CCDC170: variants seen among roughly 807,000 people sequenced by gnomAD.
The protein encoded by CCDC170 is coiled-coil domain-containing protein 170.
In CCDC170, 69 loss-of-function variants were observed where a neutral mutation model predicts 72.6. That is an observed-to-expected ratio of 0.95 (90% CI 0.78 to 1.16). The LOEUF (loss-of-function observed/expected upper bound fraction) is 1.16, where lower values mean the gene tolerates loss of function less well. CCDC170 is among the 50% of genes most tolerant of loss of function. The pLI is 0.00. For missense variants in CCDC170, 852 were observed against 832.5 expected (o/e 1.02, Z -0.29); for synonymous variants, 300 against 303.9 (o/e 0.99, Z 0.13).
At chr6:151,540,372 G>GTTTTTTT (rs1782668488) in intron 3 of CCDC170, among the ~76,000 whole-genome samples, 6 of 36,922 alleles carry the variant, frequency 1.6e-4, no homozygotes, top group Admixed American at 1.1e-3. Context: ...TTCTGCTGCT[G>GTTTTTTT]CTTTTTTTTT....
chr6:151,569,370 T>G (rs1338447744), intron 5 of CCDC170, among the ~76,000 whole-genome samples: 1 of 152,246 alleles, frequency 6.6e-6, no homozygotes, highest in African/African-American at 2.4e-5. Context: ...ATAATCATAT[T>G]GTTTATTAAA....
chr6:151,549,251 G>T (rs1782836675), intron 5 of CCDC170, among the ~76,000 whole-genome samples: 1 of 151,940 alleles, frequency 6.6e-6, no homozygotes, highest in Non-Finnish European at 1.5e-5. Flanking sequence ...TAGCCAGGCT[G>T]GTCTCGACTC....
chr6:151,525,227 C>A (rs1013582661), intron 1 of CCDC170, among the ~76,000 whole-genome samples: 1 of 152,034 alleles, frequency 6.6e-6, no homozygotes, highest in Non-Finnish European at 1.5e-5. Context: ...CCACCACACC[C>A]AGCCTAGTCT....
chr6:151,557,408 C>CAA (rs201961628), intron 5 of CCDC170, among the ~76,000 whole-genome samples: 2,814 of 132,178 alleles, frequency 0.021, 72 homozygotes, highest in African/African-American at 0.082. Context: ...GATTCTGTCT[C>CAA]AAAAAAAAAA....
intron 5 of CCDC170, among the ~76,000 whole-genome samples, chr6:151,552,290 C>T (rs142324225): frequency 2.0e-4 from 27 of 136,288 alleles, no homozygotes; most frequent in Non-Finnish European, 2.8e-4. Context: ...AGTTTGACTA[C>T]GAATCTCTTT....
At chr6:151,557,429 A>C (rs1473804483) in intron 5 of CCDC170, among the ~76,000 whole-genome samples, 1 of 144,856 alleles carries the variant, frequency 6.9e-6, no homozygotes, top group Non-Finnish European at 1.5e-5. Context: ...AAAAAAATCC[A>C]TTCATCCGTT....
chr6:151,601,897 A>G (rs926886604), intron 9 of CCDC170, among the ~76,000 whole-genome samples: 1 of 152,264 alleles, frequency 6.6e-6, no homozygotes, highest in African/African-American at 2.4e-5. Context: ...AAGTTGATAC[A>G]TAAAATTAAC....
intron 1 of CCDC170, among the ~76,000 whole-genome samples, chr6:151,519,224 C>A (rs559406979): frequency 9.9e-5 from 15 of 152,128 alleles, no homozygotes; most frequent in Admixed American, 9.8e-4. Flanking sequence ...GGACCTCCCC[C>A]GAGGAATGCA....
chr6:151,589,700 G>C (rs1202573478), intron 7 of CCDC170, among the ~76,000 whole-genome samples: 1 of 152,084 alleles, frequency 6.6e-6, no homozygotes, highest in Non-Finnish European at 1.5e-5. Flanking sequence ...TTGCTGCCAG[G>C]GAGGTCTTAA....
chr6:151,541,782 T>C (rs2115051741), intron 3 of CCDC170, among the ~76,000 whole-genome samples: 1 of 148,366 alleles, frequency 6.7e-6, no homozygotes. Context: ...CTTTAGGTAG[T>C]GTACTATTTT....
At chr6:151,535,922 T>A (rs6931083) in intron 1 of CCDC170, among the ~76,000 whole-genome samples, 18,609 of 151,920 alleles carry the variant, frequency 0.12, 3,654 homozygotes, top group African/African-American at 0.41. Context: ...TTAAAAAAAA[T>A]TTTTTTTCTT....
At chr6:151,534,969 C>CG (rs1782553433) in intron 1 of CCDC170, among the ~76,000 whole-genome samples, 1 of 152,084 alleles carries the variant, frequency 6.6e-6, no homozygotes, top group Non-Finnish European at 1.5e-5. Flanking sequence ...TCACAAAGAC[C>CG]ACAGGCCTTG....
At chr6:151,554,879 T>G (rs905630122) in intron 5 of CCDC170, among the ~76,000 whole-genome samples, 2 of 140,380 alleles carry the variant, frequency 1.4e-5, no homozygotes, top group Non-Finnish European at 3.1e-5. Flanking sequence ...TCAGTTTTTT[T>G]TTTTTTTTTT....
At chr6:151,617,399 CTGTT>C (rs1168844144) in intron 10 of CCDC170, among the ~76,000 whole-genome samples, 1 of 106,412 alleles carries the variant, frequency 9.4e-6, no homozygotes, top group Non-Finnish European at 2.0e-5. Context: ...TACTTTCTTG[CTGTT>C]TGTTCTTTTT....
At chr6:151,536,024 G>A (rs115960928) in intron 1 of CCDC170, among the ~76,000 whole-genome samples, 2,109 of 152,182 alleles carry the variant, frequency 0.014, 53 homozygotes, top group African/African-American at 0.048. Context: ...CCTCCAAAAG[G>A]GCTAGGAGTA....
intron 5 of CCDC170, among the ~76,000 whole-genome samples, chr6:151,564,304 G>T (rs1294723628): frequency 6.6e-6 from 1 of 152,160 alleles, no homozygotes; most frequent in Admixed American, 6.5e-5. Context: ...ATTTCCTCAA[G>T]AGCTTAGGGT....
intron 7 of CCDC170, among the ~76,000 whole-genome samples, chr6:151,588,577 T>A (rs1381493430): frequency 1.3e-5 from 2 of 152,112 alleles, no homozygotes; most frequent in East Asian, 3.9e-4. Flanking sequence ...ATTTGAGAAG[T>A]CTGGGAGAGT....
chr6:151,517,434 C>CTTT (rs377256935), intron 1 of CCDC170, among the ~76,000 whole-genome samples: 10 of 139,384 alleles, frequency 7.2e-5, no homozygotes, highest in East Asian at 4.1e-4. Flanking sequence ...TCTTCTTCTT[C>CTTT]TTTTTTTTTT....
intron 9 of CCDC170, among the ~76,000 whole-genome samples, chr6:151,598,865 G>A (rs1408195495): frequency 6.6e-6 from 1 of 152,218 alleles, no homozygotes; most frequent in Non-Finnish European, 1.5e-5. Flanking sequence ...TAAAGTTAAT[G>A]TGGCTGGGAC....
Sources: allele counts gnomAD v4.1 joint callset (sites outside exome capture counted in the v4.1 genomes callset), GRCh38; gene constraint gnomAD v4.1.1; transcripts MANE v1.5; gene names NCBI Gene and HGNC (gene_info 2026-07-23, HGNC 2026-07-21).